The following CSMD1 variants were observed in gnomAD, a reference collection of about 807,000 sequenced individuals.
CSMD1 encodes CUB and Sushi multiple domains 1, also known as CUB and sushi domain-containing protein 1.
CSMD1 carries 213 observed loss-of-function variants against 417.5 expected under a neutral mutation model. That is an observed-to-expected ratio of 0.51 (90% CI 0.46 to 0.57). The LOEUF is 0.57. CSMD1 is among the 20% of genes least tolerant of loss of function. CSMD1 has a pLI of 0.00. For synonymous variants in CSMD1, 2,862 were observed against 1,736.8 expected (o/e 1.65, Z -16.11); for missense variants, 6,923 against 4,529.7 (o/e 1.53, Z -15.17).
chr8:3,829,805 T>A (rs1436915315), intron 5 of CSMD1, among the ~76,000 whole-genome samples: 1 of 152,180 alleles, frequency 6.6e-6, no homozygotes, highest in Admixed American at 6.5e-5. Context: ...TTCCAACACT[T>A]CTTTGGCCAC....
At chr8:4,343,420 A>G (rs1800594251) in intron 3 of CSMD1, among the ~76,000 whole-genome samples, 1 of 152,128 alleles carries the variant, frequency 6.6e-6, no homozygotes, top group Admixed American at 6.6e-5. Flanking sequence ...AACCATAAAA[A>G]AATTATTAAA....
At chr8:3,869,717 T>C (rs1805351812) in intron 5 of CSMD1, among the ~76,000 whole-genome samples, 2 of 152,062 alleles carry the variant, frequency 1.3e-5, no homozygotes, top group Admixed American at 6.6e-5. Flanking sequence ...GGGAAGCTCA[T>C]CCTGGCAGGA....
At chr8:4,825,533 C>G (rs1321172526) in intron 1 of CSMD1, among the ~76,000 whole-genome samples, 1 of 151,930 alleles carries the variant, frequency 6.6e-6, no homozygotes, top group African/African-American at 2.4e-5. Context: ...AAACACAATT[C>G]TACTCTCTGC....
chr8:4,107,136 G>A (rs1801609788), intron 3 of CSMD1, among the ~76,000 whole-genome samples: 1 of 152,108 alleles, frequency 6.6e-6, no homozygotes, highest in Non-Finnish European at 1.5e-5. Flanking sequence ...GCATAGTACT[G>A]GTTCTACTAC....
chr8:4,917,502 C>T (rs1005567407), intron 1 of CSMD1, among the ~76,000 whole-genome samples: 57 of 152,034 alleles, frequency 3.7e-4, no homozygotes, highest in African/African-American at 1.3e-3. Context: ...GGCATGGTGG[C>T]GGGTGCCTGT....
chr8:4,056,960 A>T (rs558563331), intron 3 of CSMD1, among the ~76,000 whole-genome samples: 2 of 152,290 alleles, frequency 1.3e-5, no homozygotes, highest in Non-Finnish European at 2.9e-5. Context: ...GTTGGTTCCA[A>T]GTCTTTGCTA....
chr8:4,160,854 T>G (rs75444206), intron 3 of CSMD1, among the ~76,000 whole-genome samples: 88 of 152,348 alleles, frequency 5.8e-4, no homozygotes, highest in African/African-American at 1.9e-3. Flanking sequence ...TTCTAATATT[T>G]CCTTAAGGAG....
chr8:3,267,834 C>T (rs1007974808), intron 26 of CSMD1, among the ~76,000 whole-genome samples: 6 of 152,126 alleles, frequency 3.9e-5, no homozygotes, highest in Non-Finnish European at 8.8e-5. Context: ...CTGGGCCAAC[C>T]ATTGACGGGA....
chr8:4,316,652 G>C (rs1350569349), intron 3 of CSMD1, among the ~76,000 whole-genome samples: 1 of 152,054 alleles, frequency 6.6e-6, no homozygotes, highest in Non-Finnish European at 1.5e-5. Context: ...GGTACACTGT[G>C]TCAAGATGAA....
Position 4,754,678 on chromosome 8 carries a change from T to C in CSMD1, c.86-117120A>G, listed in dbSNP as rs376388672. 9.9e-5 allele frequency among the ~76,000 whole-genome samples: 15 copies of C among 152,088 alleles called. No homozygotes were observed. The East Asian group carries it at 1.9e-3, about 20-fold the overall frequency. On this transcript the variant is annotated intron_variant, in intron 1 of 69. Coordinates refer to ENST00000635120, the MANE Select transcript of CSMD1 (RefSeq NM_033225.6). The stretch of plus-strand genomic sequence containing the variant: ...AATCCTGGCTAACATGGTGAAACCC[T>C]GTCTACTAAAAATACAATAATTTAG...
At chr8:3,490,532 T>G (rs553839340) in intron 11 of CSMD1, among the ~76,000 whole-genome samples, 8 of 152,302 alleles carry the variant, frequency 5.3e-5, no homozygotes, top group African/African-American at 1.9e-4. Flanking sequence ...ATAATACGTG[T>G]GGGTTACATT....
At chr8:3,298,023 A>G (rs1804100645) in intron 25 of CSMD1, among the ~76,000 whole-genome samples, 1 of 152,164 alleles carries the variant, frequency 6.6e-6, no homozygotes, top group South Asian at 2.1e-4. Flanking sequence ...TCGTCAGGGA[A>G]ATGCAAATAA....
At chr8:4,108,363 C>A (rs1293442778) in intron 3 of CSMD1, among the ~76,000 whole-genome samples, 2 of 151,986 alleles carry the variant, frequency 1.3e-5, no homozygotes, top group East Asian at 1.9e-4. Flanking sequence ...AAGATCTCAC[C>A]CCGGGTATCT....
chr8:3,161,546 G>A (rs1819893219), intron 38 of CSMD1, among the ~76,000 whole-genome samples: 1 of 151,142 alleles, frequency 6.6e-6, no homozygotes, highest in African/African-American at 2.4e-5. Context: ...GAATCTGGGA[G>A]GCGGAGCTTG....
chr8:4,356,739 C>T (rs1801454348), intron 3 of CSMD1, among the ~76,000 whole-genome samples: 1 of 152,012 alleles, frequency 6.6e-6, no homozygotes, highest in African/African-American at 2.4e-5. Flanking sequence ...GTGAGGGCAC[C>T]TTCTCCGGCC....
Position 4,810,757 on chromosome 8 carries a change from T to C in CSMD1, c.86-173199A>G, listed in dbSNP as rs541993893. On this transcript the variant is annotated intron_variant, in intron 1 of 69. Coordinates refer to ENST00000635120, the MANE Select transcript of CSMD1 (RefSeq NM_033225.6). Reference sequence around the variant, plus strand: ...TAACAATATATTTGCTCTGAAATAATTGAAAAAGCTGAAGAAAGTGCCTCG... The same window carrying C: ...TAACAATATATTTGCTCTGAAATAACTGAAAAAGCTGAAGAAAGTGCCTCG... 5.9e-5 allele frequency among the ~76,000 whole-genome samples: 9 copies of C among 152,312 alleles called. No individual in the cohort carries two copies. The East Asian group carries it at 1.5e-3, about 26-fold the overall frequency.
intron 18 of CSMD1, among the ~76,000 whole-genome samples, chr8:3,383,008 G>C (rs899595956): frequency 6.6e-6 from 1 of 152,122 alleles, no homozygotes; most frequent in Non-Finnish European, 1.5e-5. Flanking sequence ...AACAATGAGA[G>C]GAGAAACAGG....
At chr8:4,608,851 T>C (rs1372868539) in intron 2 of CSMD1, among the ~76,000 whole-genome samples, 2 of 152,192 alleles carry the variant, frequency 1.3e-5, no homozygotes, top group Non-Finnish European at 1.5e-5. Flanking sequence ...TTGCTTTCTA[T>C]AGAACAGGGA....
chr8:3,220,934 A>G (rs12549754), intron 28 of CSMD1, among the ~76,000 whole-genome samples: 40,708 of 152,034 alleles, frequency 0.27, 5,610 homozygotes, highest in East Asian at 0.3. Context: ...ATGTGTCTTT[A>G]AAAAGCACTC....
Sources: gnomAD v4.1 joint callset for allele counts (sites outside exome capture counted in the v4.1 genomes callset) on GRCh38, gnomAD v4.1.1 for gene constraint, MANE v1.5 for transcripts, NCBI Gene and HGNC (gene_info 2026-07-23, HGNC 2026-07-21) for gene names.